The following FNDC3A variants were observed in gnomAD, a reference collection of about 807,000 sequenced individuals.
FNDC3A encodes the protein fibronectin type-III domain-containing protein 3A.
FNDC3A carries 32 observed loss-of-function variants against 148.9 expected under a neutral mutation model. That is an observed-to-expected ratio of 0.21 (90% CI 0.16 to 0.29). The LOEUF (loss-of-function observed/expected upper bound fraction) is 0.29, where lower values mean the gene tolerates loss of function less well. Ranked by LOEUF, FNDC3A falls within the 10% of genes least tolerant of loss-of-function variation. The pLI is 1.00. For synonymous variants in FNDC3A, 472 were observed against 473.6 expected, an observed-to-expected ratio of 1.00 and a Z score of 0.04; for missense variants, 1,191 against 1,452.8, an observed-to-expected ratio of 0.82 and a Z score of 2.93.
intron 19 of FNDC3A, among the ~76,000 whole-genome samples, chr13:49,195,979 T>C (rs988037539): frequency 1.4e-5 from 2 of 142,348 alleles, no homozygotes; most frequent in Non-Finnish European, 3.0e-5. Flanking sequence ...GAGGCTGAGG[T>C]GGGAGGATGG....
chr13:48,997,817 C>T (rs1044302125), intron 1 of FNDC3A, among the ~76,000 whole-genome samples: 3 of 151,660 alleles, frequency 2.0e-5, no homozygotes, highest in African/African-American at 7.3e-5. Context: ...TGGGTGACTG[C>T]TATAACAAGT....
At chr13:49,080,963 T>C (rs1878428718) in intron 3 of FNDC3A, among the ~76,000 whole-genome samples, 1 of 152,184 alleles carries the variant, frequency 6.6e-6, no homozygotes, top group Non-Finnish European at 1.5e-5. Context: ...TTTACATATG[T>C]TTATAGCCCT....
In FNDC3A at chr13:49,145,813, C is replaced by A. The variant is rs759431009; in HGVS notation, c.855C>A (p.Thr285=). 1.2e-6 allele frequency: 2 copies of A among 1,613,854 alleles called. No individual in the cohort carries two copies. The highest frequency in any genetic ancestry group is 2.2e-5 in the South Asian group (2 of 91,066). ...SDIQARTVVL[T]WSPPSSLING... ...TCCAGGCAAGGACAGTAGTACTTAC[C>A]TGGTCACCACCTTCCAGCCTCATTA... Residue 285 remains threonine, a synonymous_variant, in exon 8 of 26, where the codon ACC becomes ACA. Coordinates refer to ENST00000492622, the MANE Select transcript of FNDC3A (RefSeq NM_001079673.2).
At chr13:49,008,789 A>G (rs1347371201) in intron 2 of FNDC3A, among the ~76,000 whole-genome samples, 3 of 152,234 alleles carry the variant, frequency 2.0e-5, no homozygotes, top group Middle Eastern at 3.4e-3. Flanking sequence ...CAAGCAGCTT[A>G]TGAACCTTTT....
chr13:49,119,082 G>A (rs540559516), intron 4 of FNDC3A, among the ~76,000 whole-genome samples: 36 of 152,288 alleles, frequency 2.4e-4, no homozygotes, highest in African/African-American at 7.0e-4. Context: ...CAGCAGGGTC[G>A]ACAGACACCT....
intron 2 of FNDC3A, among the ~76,000 whole-genome samples, chr13:49,035,567 A>G (rs140937653): frequency 6.6e-6 from 1 of 152,150 alleles, no homozygotes; most frequent in East Asian, 1.9e-4. Context: ...TTCTGTCAAA[A>G]TGACTTTATT....
chr13:49,053,011 A>C lies in FNDC3A; in HGVS notation c.100-22278A>C, dbSNP rs74743510. ...ACCAGGGAAGTCTGGGAAAGCCGGC[A>C]CTCACAGGCCTCACCCTGCTCCCAC... On this transcript the variant is annotated intron_variant, in intron 2 of 25. Coordinates refer to ENST00000492622, the MANE Select transcript of FNDC3A (RefSeq NM_001079673.2). Among the ~76,000 whole-genome samples the C allele has an allele frequency of 9.1e-3, 1,384 of 152,166 alleles. 13 individuals carry two copies. Among genetic ancestry groups the C allele is most frequent in the African/African-American group, 0.022 (898 of 41,510 alleles).
At chr13:49,052,759 G>A (rs1019996779) in intron 2 of FNDC3A, among the ~76,000 whole-genome samples, 2 of 152,156 alleles carry the variant, frequency 1.3e-5, no homozygotes, top group South Asian at 4.1e-4. Context: ...TGTCTCAGGT[G>A]GTGGACAGGG....
chr13:48,978,866 A>T (rs943305770), intron 1 of FNDC3A, among the ~76,000 whole-genome samples: 8 of 152,188 alleles, frequency 5.3e-5, no homozygotes, highest in African/African-American at 1.9e-4. Flanking sequence ...ATTAGTGGCC[A>T]TTAATGTTGA....
chr13:48,987,083 A>G (rs186616852), intron 1 of FNDC3A, among the ~76,000 whole-genome samples: 1 of 152,368 alleles, frequency 6.6e-6, no homozygotes, highest in East Asian at 1.9e-4. Flanking sequence ...GAAGTTCTAC[A>G]AGAGCAAAGT....
At chr13:49,043,955 G>A (rs1052464228) in intron 2 of FNDC3A, 1 of 152,164 alleles carries the variant, frequency 6.6e-6, no homozygotes, top group African/African-American at 2.4e-5. Flanking sequence ...AATACTGTAA[G>A]AATGAAGAAT....
chr13:49,189,877 C>A (rs181084241), intron 17 of FNDC3A, among the ~76,000 whole-genome samples: 1 of 152,152 alleles, frequency 6.6e-6, no homozygotes, highest in East Asian at 1.9e-4. Flanking sequence ...AAGTAATATG[C>A]CACTGAGTTT....
intron 3 of FNDC3A, among the ~76,000 whole-genome samples, chr13:49,093,938 A>G (rs1426536848): frequency 6.6e-6 from 1 of 152,146 alleles, no homozygotes; most frequent in Non-Finnish European, 1.5e-5. Context: ...TCCTCAGAGC[A>G]TTGAGAGAAC....
At chr13:49,090,463 T>TC (rs1879113071) in intron 3 of FNDC3A, among the ~76,000 whole-genome samples, 1 of 152,032 alleles carries the variant, frequency 6.6e-6, no homozygotes, top group Admixed American at 6.5e-5. Flanking sequence ...ATTGCACAGA[T>TC]CGGGGGTCTG....
intron 15 of FNDC3A, 42 bp downstream of exon 15, chr13:49,186,144 T>G: frequency 6.8e-7 from 1 of 1,472,756 alleles, no homozygotes; most frequent in Non-Finnish European, 9.3e-7. Flanking sequence ...CTTTTGCGTT[T>G]GATTAAAATA....
chr13:49,166,233 C>G (rs1884454118), intron 8 of FNDC3A, among the ~76,000 whole-genome samples: 1 of 152,166 alleles, frequency 6.6e-6, no homozygotes, highest in Non-Finnish European at 1.5e-5. Context: ...TGCAGCAGCC[C>G]ACAGCTGCAG....
intron 3 of FNDC3A, among the ~76,000 whole-genome samples, chr13:49,092,254 C>G (rs1166449737): frequency 6.6e-6 from 1 of 152,174 alleles, no homozygotes; most frequent in Non-Finnish European, 1.5e-5. Flanking sequence ...TTTCAGGTCA[C>G]TCGATAAATG....
chr13:49,124,096 G>A (rs1191432510), intron 4 of FNDC3A, among the ~76,000 whole-genome samples: 2 of 152,128 alleles, frequency 1.3e-5, no homozygotes, highest in Non-Finnish European at 2.9e-5. Flanking sequence ...CAACCCAAAT[G>A]CCCATCAGTG....
chr13:49,072,562 T>C (rs1398990886), intron 2 of FNDC3A, among the ~76,000 whole-genome samples: 3 of 152,158 alleles, frequency 2.0e-5, no homozygotes, highest in African/African-American at 7.2e-5. Context: ...GGTTTCTTTT[T>C]TGTAGCTATT....
Sources: allele counts gnomAD v4.1 joint callset (sites outside exome capture counted in the v4.1 genomes callset), GRCh38; gene constraint gnomAD v4.1.1; transcripts MANE v1.5; gene names NCBI Gene and HGNC (gene_info 2026-07-23, HGNC 2026-07-21).